The following SVIL variants were observed in gnomAD, a reference collection of about 807,000 sequenced individuals.
The protein encoded by SVIL is supervillin.
Under a neutral mutation model 240.4 loss-of-function variants are expected in SVIL, and 101 were observed. The ratio of observed to expected loss-of-function variants is 0.42; its 90% confidence interval spans 0.36 to 0.50. SVIL has a LOEUF of 0.50. Ranked by LOEUF, SVIL falls within the 20% of genes least tolerant of loss-of-function variation. The pLI, the probability that SVIL is intolerant of heterozygous loss-of-function variation, is 0.01. For missense variants in SVIL, 2,512 were observed against 2,818.7 expected (o/e 0.89, Z 2.46); for synonymous variants, 999 against 1,100.0 (o/e 0.91, Z 1.82).
At chr10:29,653,767 G>A (rs1958914705) in intron 3 of SVIL, among the ~76,000 whole-genome samples, 1 of 152,120 alleles carries the variant, frequency 6.6e-6, no homozygotes, top group Non-Finnish European at 1.5e-5. Context: ...TGGATATACA[G>A]TTTCCCCAGT....
chr10:29,607,814 C>T (rs1957081141), intron 1 of SVIL, among the ~76,000 whole-genome samples: 1 of 152,190 alleles, frequency 6.6e-6, no homozygotes, highest in African/African-American at 2.4e-5. Flanking sequence ...ATCCTGACTC[C>T]AACCCCTTCA....
At chr10:29,622,254 A>T (rs1957685659) in intron 1 of SVIL, among the ~76,000 whole-genome samples, 1 of 123,166 alleles carries the variant, frequency 8.1e-6, no homozygotes, top group South Asian at 2.5e-4. Flanking sequence ...CGTCTCAAAA[A>T]AAAAAAAAAA....
At chr10:29,465,783 T>C (rs747456508) in intron 33 of SVIL, 33 bp from the exon 34 acceptor site, 3 of 1,601,320 alleles carry the variant, frequency 1.9e-6, no homozygotes, top group Admixed American at 1.7e-5. Flanking sequence ...GCTGAAGATA[T>C]CATGTGCATC....
At chr10:29,491,257 TCTC>T (rs1292631693) in intron 21 of SVIL, among the ~76,000 whole-genome samples, 1 of 152,076 alleles carries the variant, frequency 6.6e-6, no homozygotes, top group African/African-American at 2.4e-5. Context: ...TGCCCCTTGG[TCTC>T]CTCCTGGGAG....
chr10:29,550,769 C>A lies in SVIL; in HGVS notation c.655G>T (p.Asp219Tyr), dbSNP rs1296499134. The A allele has an allele frequency of 6.2e-7, 1 of 1,614,130 alleles. No individual in the cohort carries two copies. Among genetic ancestry groups the A allele is most frequent in the Admixed American group, 1.7e-5 (1 of 60,028 alleles). ...QELSATRQAH[D>Y]LSPAAESSST... is the part of the protein sequence containing the mutation. The stretch of plus-strand genomic sequence containing the variant: ...GAACTCTCGGCTGCTGGGGACAGGT[C>A]ATGGGCCTGCCGGGTGGCACTCAGC... The change falls in exon 6 of 38, where the codon GAC becomes TAC. Residue 219 changes from aspartate (D) to tyrosine (Y), a missense_variant. Transcript: ENST00000355867.
chr10:29,601,119 A>G (rs1387204435), intron 1 of SVIL, among the ~76,000 whole-genome samples: 1 of 152,216 alleles, frequency 6.6e-6, no homozygotes, highest in Non-Finnish European at 1.5e-5. Flanking sequence ...ATGTGACTAC[A>G]ATTATAGACA....
Position 29,470,338 on chromosome 10 carries a change from T to A in SVIL, c.5781A>T (p.Gly1927=). The change falls in exon 32 of 38, where the codon GGA becomes GGT. Residue 1927 remains glycine, a synonymous_variant. Coordinates refer to ENST00000355867, the MANE Select transcript of SVIL (RefSeq NM_021738.3). The part of the protein sequence containing the change: ...VNKALIYLWH[G]CKAQAHTKEV... ...CCTTCGTGTGGGCCTGGGCTTTGCA[T>A]CCGTGCCACAGGTAGATGAGGGCCT... The A allele has an allele frequency of 6.2e-7, 1 of 1,614,192 alleles. No individual in the cohort carries two copies. The highest frequency in any genetic ancestry group is 8.5e-7 in the Non-Finnish European group (1 of 1,180,032).
At chr10:29,531,152 TA>T (rs1951335328) in intron 10 of SVIL, 101 bp downstream of exon 10, 2 of 1,116,616 alleles carry the variant, frequency 1.8e-6, no homozygotes. Context: ...GAGACACTGT[TA>T]TGCTCCATCA....
intron 21 of SVIL, among the ~76,000 whole-genome samples, chr10:29,491,805 A>G (rs2132403014): frequency 6.6e-6 from 1 of 152,346 alleles, no homozygotes; most frequent in South Asian, 2.1e-4. Flanking sequence ...ATTATGATAT[A>G]CAACTACTTA....
intron 20 of SVIL, among the ~76,000 whole-genome samples, chr10:29,494,241 G>T (rs868626330): frequency 6.6e-6 from 1 of 152,150 alleles, no homozygotes; most frequent in African/African-American, 2.4e-5. Context: ...GCTGACCCAC[G>T]GGCTAGATCA....
At chr10:29,732,366 T>G (rs1278486636) in intron 1 of SVIL, among the ~76,000 whole-genome samples, 1 of 152,160 alleles carries the variant, frequency 6.6e-6, no homozygotes, top group Non-Finnish European at 1.5e-5. Flanking sequence ...AATGATCAGA[T>G]GTATTATAAG....
intron 1 of SVIL, among the ~76,000 whole-genome samples, chr10:29,604,849 C>T (rs531819267): frequency 2.0e-5 from 3 of 152,152 alleles, no homozygotes; most frequent in Non-Finnish European, 2.9e-5. Flanking sequence ...GGTTATAGCC[C>T]CGAGCCACTG....
At chr10:29,712,806 C>T in intron 1 of SVIL, among the ~76,000 whole-genome samples, 1 of 152,064 alleles carries the variant, frequency 6.6e-6, no homozygotes, top group African/African-American at 2.4e-5. Flanking sequence ...GGTACTAGTC[C>T]CCTCATCTTA....
chr10:29,687,925 T>G (rs898415172), intron 1 of SVIL, among the ~76,000 whole-genome samples: 5 of 152,194 alleles, frequency 3.3e-5, no homozygotes, highest in African/African-American at 1.2e-4. Context: ...ACTCCCAGTT[T>G]CAGCAATGGA....
intron 1 of SVIL, among the ~76,000 whole-genome samples, chr10:29,710,384 C>CT (rs1963195173): frequency 6.6e-6 from 1 of 152,186 alleles, no homozygotes; most frequent in South Asian, 2.1e-4. Flanking sequence ...TTACAGCTCT[C>CT]TTTTCCTTTT....
intron 1 of SVIL, among the ~76,000 whole-genome samples, chr10:29,689,997 C>G (rs779724406): frequency 6.6e-6 from 1 of 152,114 alleles, no homozygotes; most frequent in African/African-American, 2.4e-5. Flanking sequence ...AAAAATCTAA[C>G]GTTGGTGACA....
chr10:29,575,000 G>C (rs1955625135), intron 1 of SVIL, among the ~76,000 whole-genome samples: 6 of 152,214 alleles, frequency 3.9e-5, no homozygotes, highest in Admixed American at 3.9e-4. Flanking sequence ...TGTATAAAAA[G>C]AAGCAATTGA....
At chr10:29,532,397 T>G (rs1170887322) in intron 8 of SVIL, 132 bp downstream of exon 8, 39 of 1,418,932 alleles carry the variant, frequency 2.7e-5, no homozygotes, top group African/African-American at 7.2e-5. Flanking sequence ...ATTTTCCGCA[T>G]AGTCGCCCTG....
upstream of SVIL, among the ~76,000 whole-genome samples, chr10:29,736,087 T>C (rs1423275663): frequency 2.0e-5 from 3 of 151,772 alleles, no homozygotes; most frequent in African/African-American, 7.3e-5. Flanking sequence ...CGGGCACCCC[T>C]TCCCAAAACA....
Sources: gnomAD v4.1 joint callset for allele counts (sites outside exome capture counted in the v4.1 genomes callset) on GRCh38, gnomAD v4.1.1 for gene constraint, MANE v1.5 for transcripts, NCBI Gene and HGNC (gene_info 2026-07-23, HGNC 2026-07-21) for gene names.